The following FASTK variants were observed in gnomAD, a reference collection of about 807,000 sequenced individuals.
FASTK encodes fas-activated serine/threonine kinase.
In FASTK, 28 loss-of-function variants were observed where a neutral mutation model predicts 60.0. The ratio of observed to expected loss-of-function variants is 0.47; its 90% CI spans 0.35 to 0.64. FASTK has a LOEUF of 0.64. Among genes scored for constraint, FASTK ranks in the 30% least tolerant of loss-of-function variants. The pLI is 0.01. For synonymous variants in FASTK, 325 were observed against 307.9 expected, an observed-to-expected ratio of 1.06 and a Z score of -0.58; for missense variants, 595 against 713.8, an observed-to-expected ratio of 0.83 and a Z score of 1.90.
chr7:151,079,350 A>G (rs1797850687), intron 2 of FASTK, 150 bp downstream of exon 2: 1 of 770,080 alleles, frequency 1.3e-6, no homozygotes, highest in Non-Finnish European at 2.0e-6. Flanking sequence ...TCGACTCATG[A>G]TGTCTGCCGC....
intron 6 of FASTK, 46 bp downstream of exon 6, chr7:151,077,575 T>C: frequency 6.5e-7 from 1 of 1,531,962 alleles, no homozygotes; most frequent in Non-Finnish European, 8.8e-7. Context: ...TCCACTCTGC[T>C]GGTCCCAGGC....
intron 1 of FASTK, chr7:151,080,472 C>T (rs1475894115): frequency 2.0e-5 from 25 of 1,281,144 alleles, no homozygotes; most frequent in Non-Finnish European, 2.4e-5. Context: ...CTTCGTCTCT[C>T]TAAGTCTCCT....
rs373077983 is a variant in FASTK, at chr7:151,078,930, A to G, written c.597T>C (p.Leu199=). 5.1e-5 allele frequency: 81 copies of G among 1,574,524 alleles called. No individual in the cohort carries two copies. The highest frequency in any genetic ancestry group is 6.8e-5 in the Non-Finnish European group (79 of 1,166,084). ...CTTCCAACCCTTGCCCACCTCGGAGAAGGGGCTGCAAAGGGGGAGGTGGCT... is the reference window on the plus strand; with the variant it reads ...CTTCCAACCCTTGCCCACCTCGGAGGAGGGGCTGCAAAGGGGGAGGTGGCT... ...PPKPPPPLQP[L]LRGGQGLEAA... The change falls in exon 3 of 10, where the codon CTT becomes CTC. Residue 199 remains leucine, a synonymous_variant. Coordinates refer to ENST00000297532, the MANE Select transcript of FASTK (RefSeq NM_006712.5).
Position 151,080,735 on chromosome 7 carries a change from CG to C in FASTK, c.31del (p.Arg11GlyfsTer44), listed in dbSNP as rs1326047300. On this transcript the variant is annotated frameshift_variant, in exon 1 of 10. Transcript: ENST00000297532. LOFTEE classifies it high-confidence loss of function. Reference sequence around the variant, plus strand: ...CGCTCCCTCAGTCGGTCTCGGGGCCCGGGGGCCGGGTTCCCCCCGCGGCCTC... The same window carrying C: ...CGCTCCCTCAGTCGGTCTCGGGGCCCGGGGCCGGGTTCCCCCCGCGGCCTC... The part of the protein sequence containing the change: MRRPRGEPGP[R>X]APRPTEGATC... 1.4e-5 allele frequency: 19 copies of C among 1,318,286 alleles called. No individual in the cohort carries two copies. Among genetic ancestry groups the C allele is most frequent in the Middle Eastern group, 2.0e-4 (1 of 5,016 alleles). 81.7% of individuals were successfully genotyped at this position (1,318,286 alleles called of 1,614,324 possible).
Position 151,076,829 on chromosome 7 carries a change from G to A in FASTK, c.1546C>T (p.Pro516Ser), listed in dbSNP as rs1797675879. The change falls in exon 10 of 10, where the codon CCC becomes TCC. Residue 516 changes from proline (P) to serine (S), a missense_variant. By Grantham distance (74) the Pro-to-Ser change is moderately conservative (BLOSUM62 -1). Transcript: ENST00000297532. The stretch of plus-strand genomic sequence containing the variant: ...CTCTGGGACTCCAGTTCCTCGAAGG[G>A]TAGCTGTGGGGAGAGGAGAGGGCGG... ...GLMGYQLLPL[P>S]FEELESQRGL... The A allele has an allele frequency of 2.5e-6, 4 of 1,609,922 alleles. No homozygotes were observed. Among genetic ancestry groups the A allele is most frequent in the East Asian group, 2.2e-5 (1 of 44,830 alleles).
Position 151,077,286 on chromosome 7 carries a change from G to A in FASTK, c.1291+24C>T, listed in dbSNP as rs200663684. ...CTTAGCCAGGGCTCCGTCTCCCCGG[G>A]CCTGCCGCCTGCCCCTTGCTCACCT... On this transcript the variant is annotated intron_variant, in intron 7 of 9. Transcript: ENST00000297532. 4.7e-4 allele frequency: 762 copies of A among 1,612,074 alleles called. 2 individuals carry two copies. The highest frequency in any genetic ancestry group is 6.1e-4 in the Non-Finnish European group (715 of 1,179,452).
intron 4 of FASTK, 145 bp from the exon 5 acceptor site, chr7:151,078,237 C>A: frequency 1.5e-6 from 1 of 664,388 alleles, no homozygotes. Flanking sequence ...AGTTCAACAG[C>A]AAAGCAGTCA....
Position 151,077,793 on chromosome 7 carries a change from G to A in FASTK, c.1040-13C>T, listed in dbSNP as rs765794585. 108 of 1,593,756 alleles carry A rather than the reference G, an allele frequency of 6.8e-5. No individual in the cohort carries two copies. In the Admixed American group the frequency reaches 1.6e-3, roughly 24 times the overall value. On this transcript the variant is annotated splice_polypyrimidine_tract_variant and intron_variant, in intron 5 of 9. Transcript: ENST00000297532. ...GCATGAGGGGTGCCTGTGGGGAGGC[G>A]GGGACTGGGGCTCTGGGCTGCAGGC...
At chr7:151,077,548 A>G (rs983763676) in intron 6 of FASTK, 73 bp downstream of exon 6, 2 of 1,516,566 alleles carry the variant, frequency 1.3e-6, no homozygotes, top group Non-Finnish European at 1.8e-6. Flanking sequence ...TTGGCGCTTC[A>G]TGGTCCCTCT....
intron 1 of FASTK, 170 bp downstream of exon 1, chr7:151,080,515 G>A (rs1671328220): frequency 7.8e-7 from 1 of 1,285,326 alleles, no homozygotes; most frequent in South Asian, 2.4e-5. Context: ...CGCCCACCTC[G>A]CAGGGCGCGC....
chr7:151,078,414 A>G, intron 4 of FASTK, 148 bp downstream of exon 4: 2 of 888,490 alleles, frequency 2.3e-6, no homozygotes, highest in Non-Finnish European at 3.4e-6. Flanking sequence ...GGCAAGCCAC[A>G]GAAAGGGTGT....
In FASTK at chr7:151,079,965, G is replaced by A. The variant is rs764587526; in HGVS notation, c.83-43C>T. On this transcript the variant is annotated intron_variant, in intron 1 of 9. Transcript: ENST00000297532. ...AAAGGGGGTGAGGTTTTCTCCAAAG[G>A]GGAGAAAGACCTGCTACCTACTGCT... 2.3e-5 allele frequency: 34 copies of A among 1,485,150 alleles called. No individual in the cohort carries two copies. In the East Asian group the frequency reaches 7.8e-4, roughly 34 times the overall value. The allele number at this position is 1,485,150 out of a possible 1,614,324, so 92.0% of individuals were successfully genotyped here.
chr7:151,080,522 G>C, intron 1 of FASTK, 163 bp downstream of exon 1: 1 of 1,286,208 alleles, frequency 7.8e-7, no homozygotes, highest in Non-Finnish European at 9.8e-7. Context: ...CTCGCAGGGC[G>C]CGCGTGGAGC....
chr7:151,078,465 G>A, intron 4 of FASTK, 97 bp downstream of exon 4: 2 of 1,387,330 alleles, frequency 1.4e-6, no homozygotes, highest in Non-Finnish European at 2.0e-6. Context: ...GGGTGTGTCT[G>A]CTTCAGGAAA....
In FASTK at chr7:151,076,692, T is replaced by G; in HGVS notation, c.*33A>C. On this transcript the variant is annotated 3_prime_UTR_variant, in exon 10 of 10. Coordinates refer to ENST00000297532, the MANE Select transcript of FASTK (RefSeq NM_006712.5). ...CAAAGTGCAAATCATCCACCCCCCA[T>G]GGGGGGGCCATCCTGAACCCCACAT... is the stretch of plus-strand genomic sequence containing the variant. 16 of 1,370,878 alleles carry G rather than the reference T, an allele frequency of 1.2e-5. No homozygotes were observed. Among genetic ancestry groups the G allele is most frequent in the Non-Finnish European group, 1.6e-5 (16 of 1,004,694 alleles). 84.9% of individuals were successfully genotyped at this position (1,370,878 alleles called of 1,614,324 possible).
At chr7:151,078,194 G>T in intron 4 of FASTK, 102 bp from the exon 5 acceptor site, 2 of 879,272 alleles carry the variant, frequency 2.3e-6, no homozygotes, top group Non-Finnish European at 3.5e-6. Flanking sequence ...TTACAACACT[G>T]CTGTAAAGAC....
rs189454687 is a variant in FASTK at position 151,077,910 on chromosome 7, A to G, written c.1008T>C (p.Val336=). Reference sequence around the variant, plus strand: ...TGTAGTTGATGAAGCCAGGGGAAAAAACAAAGTGCAGGGCTCTGAAGGGCA... The same window carrying G: ...TGTAGTTGATGAAGCCAGGGGAAAAGACAAAGTGCAGGGCTCTGAAGGGCA... ...RCLPFRALHF[V]FSPGFINYIS... is the part of the protein sequence containing the mutation. The change falls in exon 5 of 10, where the codon GTT becomes GTC. Residue 336 remains valine, a synonymous_variant. Transcript: ENST00000297532. The G allele has an allele frequency of 1.2e-6, 2 of 1,613,706 alleles. No individual in the cohort carries two copies. Among genetic ancestry groups the G allele is most frequent in the Non-Finnish European group, 1.7e-6 (2 of 1,179,850 alleles).
chr7:151,078,062 G>A lies in FASTK; in HGVS notation c.856C>T (p.Arg286Ter), dbSNP rs1450872016. The change falls in exon 5 of 10, where the codon CGA becomes TGA. Residue 286 changes from arginine (R) to a stop codon, truncating the protein, a stop_gained. Transcript: ENST00000297532. LOFTEE classifies it high-confidence loss of function. ...TGTTCCAGGGGCAGGTAGTTCAGTCGCCCAAAGGGCAGGACCAACTTCTGT... is the reference window on the plus strand; with the variant it reads ...TGTTCCAGGGGCAGGTAGTTCAGTCACCCAAAGGGCAGGACCAACTTCTGT... ...VVQKLVLPFG[R>*]LNYLPLEQQF... 6 of 1,597,988 alleles carry A rather than the reference G, an allele frequency of 3.8e-6. No homozygotes were observed. Among genetic ancestry groups the A allele is most frequent in the African/African-American group, 1.3e-5 (1 of 74,650 alleles).
chr7:151,078,009 G>T lies in FASTK; in HGVS notation c.909C>A (p.Ile303=). ...GTGCCACCCCTGCTTCCCGAGCCAG[G>T]ATCCTCTCAAGGCAGGGCATAAACT... ...EQQFMPCLER[I]LAREAGVAPL... is the part of the protein sequence containing the mutation. The change falls in exon 5 of 10, where the codon ATC becomes ATA. Residue 303 remains isoleucine, a synonymous_variant. Coordinates refer to ENST00000297532, the MANE Select transcript of FASTK (RefSeq NM_006712.5). The T allele has an allele frequency of 6.2e-7, 1 of 1,612,594 alleles. No individual in the cohort carries two copies. The highest frequency in any genetic ancestry group is 8.5e-7 in the Non-Finnish European group (1 of 1,178,900).
Sources: gnomAD v4.1 joint callset for allele counts on GRCh38, gnomAD v4.1.1 for gene constraint, MANE v1.5 for transcripts, NCBI Gene and HGNC (gene_info 2026-07-23, HGNC 2026-07-21) for gene names.